The following CFAP43 variants were observed in gnomAD, a reference collection of about 807,000 sequenced individuals.
CFAP43 encodes the protein cilia and flagella associated protein 43.
CFAP43 carries 155 observed loss-of-function variants against 218.9 expected under a neutral mutation model. That is an observed-to-expected ratio of 0.71 (90% CI 0.62 to 0.81). CFAP43 has a LOEUF of 0.81. Among genes scored for constraint, CFAP43 ranks in the 30% least tolerant of loss-of-function variants. The pLI is 0.00. For synonymous variants in CFAP43, 645 were observed against 681.3 expected (o/e 0.95, Z 0.83); for missense variants, 1,778 against 1,954.3 (o/e 0.91, Z 1.70).
At chr10:104,158,666 A>G (rs541648495) in intron 27 of CFAP43, among the ~76,000 whole-genome samples, 2 of 152,334 alleles carry the variant, frequency 1.3e-5, no homozygotes, top group African/African-American at 4.8e-5. Context: ...GAAGGACACT[A>G]CTTGGACAAC....
At chr10:104,184,738 C>T (rs1430434185) in intron 16 of CFAP43, among the ~76,000 whole-genome samples, 1 of 152,038 alleles carries the variant, frequency 6.6e-6, no homozygotes, top group Non-Finnish European at 1.5e-5. Context: ...TCAAACTAGC[C>T]AATCCTAAAC....
chr10:104,223,346 A>C (rs2091231535), intron 3 of CFAP43, among the ~76,000 whole-genome samples: 1 of 152,264 alleles, frequency 6.6e-6, no homozygotes, highest in Non-Finnish European at 1.5e-5. Context: ...ATCATTTTTG[A>C]AACTCTGACT....
intron 31 of CFAP43, among the ~76,000 whole-genome samples, chr10:104,145,085 G>A (rs2087897261): frequency 6.6e-6 from 1 of 152,126 alleles, no homozygotes; most frequent in South Asian, 2.1e-4. Context: ...GTTAGTCCTG[G>A]AAGCCTATTA....
chr10:104,167,563 G>A (rs546996373), intron 22 of CFAP43, 58 bp downstream of exon 22: 5 of 1,323,030 alleles, frequency 3.8e-6, no homozygotes, highest in Admixed American at 2.5e-5. Flanking sequence ...CCTGAACAAA[G>A]GAGACTCTAA....
intron 27 of CFAP43, among the ~76,000 whole-genome samples, chr10:104,154,365 C>G (rs1325753229): frequency 6.6e-6 from 1 of 151,990 alleles, no homozygotes; most frequent in Non-Finnish European, 1.5e-5. Flanking sequence ...AGAGGTTTAG[C>G]AAAAATAATA....
chr10:104,219,085 TCA>T (rs2091105710), intron 3 of CFAP43, among the ~76,000 whole-genome samples: 1 of 152,012 alleles, frequency 6.6e-6, no homozygotes, highest in South Asian at 2.1e-4. Context: ...CACTCTCAGT[TCA>T]GTTTGTCCCC....
chr10:104,143,606 GGTTGTTTCTGAGTGCGTTTTCT>G lies in CFAP43; in HGVS notation c.3956_3977del (p.Gln1319ProfsTer15). The G allele has an allele frequency of 6.2e-7, 1 of 1,614,128 alleles. No individual in the cohort carries two copies. The highest frequency in any genetic ancestry group is 8.5e-7 in the Non-Finnish European group (1 of 1,180,016). On this transcript the variant is annotated frameshift_variant, in exon 32 of 38. Coordinates refer to ENST00000357060, the MANE Select transcript of CFAP43 (RefSeq NM_025145.7). LOFTEE classifies it high-confidence loss of function. ...GTAGTTCTCCGAAAGGGACAACGCT[GGTTGTTTCTGAGTGCGTTTTCT>G]GTTTGGAAATCCTGGTATTACCAAG...
intron 17 of CFAP43, 33 bp from the exon 18 acceptor site, chr10:104,179,965 T>C (rs758513494): frequency 6.4e-7 from 1 of 1,566,842 alleles, no homozygotes; most frequent in South Asian, 1.1e-5. Flanking sequence ...AGACATGTCT[T>C]AAAGTTAAAA....
intron 7 of CFAP43, among the ~76,000 whole-genome samples, chr10:104,205,595 G>A (rs1036455374): frequency 6.6e-6 from 1 of 152,122 alleles, no homozygotes; most frequent in Admixed American, 6.5e-5. Flanking sequence ...AAGAGTCTAA[G>A]CTGCAGCTTA....
rs569730627 is a variant in CFAP43, at chr10:104,217,352, CTTTT to C, written c.417-2930_417-2927del. On this transcript the variant is annotated intron_variant, in intron 3 of 37. Coordinates refer to ENST00000357060, the MANE Select transcript of CFAP43 (RefSeq NM_025145.7). ...TTTCTTTTCTTTTCTTTCTTTCTTT[CTTTT>C]TCTTTCTTTTTGAAATATCATTACT... Among the ~76,000 whole-genome samples the C allele has an allele frequency of 3.6e-4, 43 of 119,604 alleles. No individual in the cohort carries two copies. In the South Asian group the frequency reaches 8.9e-3, roughly 25 times the overall value. 78.5% of individuals were successfully genotyped at this position (119,604 alleles called of 152,430 possible).
At position 104,146,576 on chromosome 10, in the gene CFAP43, G is replaced by A. The variant is rs941770873; in HGVS notation, c.3769-227C>T. On this transcript the variant is annotated intron_variant, in intron 29 of 37. Transcript: ENST00000357060. The stretch of plus-strand genomic sequence containing the variant: ...TACAGCCAACTCTGTGTATGAGTGT[G>A]TGAGTGTCTATGGAGCACACTGCAT... 3.2e-4 allele frequency among the ~76,000 whole-genome samples: 48 copies of A among 152,308 alleles called. 1 individual carries two copies. The highest frequency in any genetic ancestry group is 1.4e-3 in the Admixed American group (21 of 15,300).
In CFAP43 at chr10:104,207,656, G is replaced by A. The variant is rs375550507; in HGVS notation, c.895+9C>T. 4 of 1,610,602 alleles carry A rather than the reference G, an allele frequency of 2.5e-6. No individual in the cohort carries two copies. Among genetic ancestry groups the A allele is most frequent in the South Asian group, 2.2e-5 (2 of 90,438 alleles). On this transcript the variant is annotated intron_variant, in intron 6 of 37. Coordinates refer to ENST00000357060, the MANE Select transcript of CFAP43 (RefSeq NM_025145.7). Reference sequence around the variant, plus strand: ...CTATACAGGAATATGAAGTAGGACAGTTTCTTACCCAATGGCGATTCCTCT... The same window carrying A: ...CTATACAGGAATATGAAGTAGGACAATTTCTTACCCAATGGCGATTCCTCT...
rs747422073 is a variant in CFAP43, at chr10:104,161,984, T to G, written c.3391A>C (p.Lys1131Gln). 5 of 1,613,788 alleles carry G rather than the reference T, an allele frequency of 3.1e-6. No individual in the cohort carries two copies. In the East Asian group the frequency reaches 8.9e-5, roughly 29 times the overall value. The change falls in exon 26 of 38, where the codon AAG becomes CAG. Residue 1131 changes from lysine to glutamine, a missense_variant. Coordinates refer to ENST00000357060, the MANE Select transcript of CFAP43 (RefSeq NM_025145.7). ...ACCATTCTCAAAATATCTTCCTTCT[T>G]GACTTCCAGAACTCCTCCCATCATG... Reference protein sequence around the residue: ...MDMMGGVLEVKKEDILRMVIP... With the variant: ...MDMMGGVLEVQKEDILRMVIP...
Position 104,179,852 on chromosome 10 carries a change from T to C in CFAP43, c.2370A>G (p.Gln790=), listed in dbSNP as rs779263710. Residue 790 remains glutamine, a synonymous_variant, in exon 18 of 38, where the codon CAA becomes CAG. Transcript: ENST00000357060. ...GTTTCACAAATACCTCTTGGCTTTT[T>C]TGTTGTATCCAAGGAATTTCCTTCT... ...DVKKEIPWIQ[Q]KSQEAIKKEV... 1 of 1,613,546 alleles carries C rather than the reference T, an allele frequency of 6.2e-7. No individual in the cohort carries two copies. The highest frequency in any genetic ancestry group is 1.7e-5 in the Admixed American group (1 of 59,954).
At chr10:104,202,796 T>C (rs2090570253) in intron 8 of CFAP43, among the ~76,000 whole-genome samples, 1 of 151,742 alleles carries the variant, frequency 6.6e-6, no homozygotes, top group Non-Finnish European at 1.5e-5. Flanking sequence ...GTCATTTATT[T>C]ATTAAAACAT....
At chr10:104,175,182 C>T (rs1223189135) in intron 19 of CFAP43, among the ~76,000 whole-genome samples, 1 of 151,930 alleles carries the variant, frequency 6.6e-6, no homozygotes, top group African/African-American at 2.4e-5. Flanking sequence ...TGCCTGTAAT[C>T]CCAGCACTTT....
At chr10:104,229,699 T>C (rs2135019827) in intron 2 of CFAP43, among the ~76,000 whole-genome samples, 1 of 152,126 alleles carries the variant, frequency 6.6e-6, no homozygotes, top group Middle Eastern at 3.4e-3. Flanking sequence ...ATAATTCAAA[T>C]GGTAGGCAAC....
At chr10:104,165,868 G>A (rs186185450) in intron 23 of CFAP43, among the ~76,000 whole-genome samples, 81 of 152,186 alleles carry the variant, frequency 5.3e-4, no homozygotes, top group African/African-American at 1.8e-3. Flanking sequence ...CCGAGAAAAC[G>A]GAATTCTAGT....
intron 13 of CFAP43, 34 bp from the exon 14 acceptor site, chr10:104,187,526 G>T (rs181344477): frequency 4.8e-6 from 7 of 1,469,326 alleles, no homozygotes; most frequent in Non-Finnish European, 6.3e-6. Flanking sequence ...GAAATCACTT[G>T]TACCATAAAT....
Sources: allele counts gnomAD v4.1 joint callset (sites outside exome capture counted in the v4.1 genomes callset), GRCh38; gene constraint gnomAD v4.1.1; transcripts MANE v1.5; gene names NCBI Gene and HGNC (gene_info 2026-07-23, HGNC 2026-07-21).